HIVEP2: variants seen among roughly 807,000 people sequenced by gnomAD.
The protein encoded by HIVEP2 is transcription factor HIVEP2.
A neutral mutation model predicts 180.7 loss-of-function variants in HIVEP2; 14 were observed. The ratio of observed to expected loss-of-function variants is 0.08; its 90% CI spans 0.05 to 0.12. The LOEUF is 0.12. HIVEP2 is among the 10% of genes least tolerant of loss of function. The pLI, the probability that HIVEP2 is intolerant of heterozygous loss-of-function variation, is 1.00. For synonymous variants in HIVEP2, 1,184 were observed against 1,136.4 expected (o/e 1.04, Z -0.84); for missense variants, 2,579 against 3,008.5 (o/e 0.86, Z 3.34).
chr6:142,803,079 A>G (rs1259714693), intron 2 of HIVEP2, among the ~76,000 whole-genome samples: 2 of 152,198 alleles, frequency 1.3e-5, no homozygotes, highest in Non-Finnish European at 2.9e-5. Flanking sequence ...ACTCTGTAGT[A>G]TATACTTTTA....
Position 142,773,851 on chromosome 6 carries a change from A to T in HIVEP2, c.888T>A (p.Ser296Arg). The change falls in exon 5 of 10, where the codon AGT becomes AGA. Residue 296 changes from serine to arginine, a missense_variant. Ser to Arg is a moderately radical substitution (Grantham distance 110). This residue lies in a region of HIVEP2 where 142 missense variants were observed against 135.2 expected (regional missense o/e 1.05). Transcript: ENST00000367603. The stretch of plus-strand genomic sequence containing the variant: ...TGTCCAGTGGGATGGGTGGACCAGG[A>T]CTCATTTTGTCAGAAGCCTCGGCAA... The part of the protein sequence containing the change: ...SLFAEASDKM[S>R]PGPPIPLDIA... The T allele has an allele frequency of 6.2e-7, 1 of 1,613,464 alleles. No homozygotes were observed. The highest frequency in any genetic ancestry group is 8.5e-7 in the Non-Finnish European group (1 of 1,180,000).
At chr6:142,881,245 C>T (rs769935567) in intron 1 of HIVEP2, among the ~76,000 whole-genome samples, 21 of 152,148 alleles carry the variant, frequency 1.4e-4, no homozygotes, top group African/African-American at 3.9e-4. Context: ...CCAGTTCACA[C>T]GAGTCAGGCT....
chr6:142,874,012 G>C (rs1021957993), intron 1 of HIVEP2, among the ~76,000 whole-genome samples: 1 of 152,118 alleles, frequency 6.6e-6, no homozygotes, highest in Non-Finnish European at 1.5e-5. Context: ...CACTGCAAAT[G>C]GTTCCCCTCC....
At chr6:142,825,212 T>C (rs1774850936) in intron 2 of HIVEP2, among the ~76,000 whole-genome samples, 1 of 152,168 alleles carries the variant, frequency 6.6e-6, no homozygotes, top group Non-Finnish European at 1.5e-5. Flanking sequence ...TAAAGATCTC[T>C]ATGGGGTCTT....
intron 2 of HIVEP2, among the ~76,000 whole-genome samples, chr6:142,823,989 CT>C (rs1241331090): frequency 1.3e-5 from 2 of 151,716 alleles, no homozygotes; most frequent in South Asian, 2.1e-4. Context: ...AAGAAAAATC[CT>C]TTTTTTAAAT....
intron 2 of HIVEP2, among the ~76,000 whole-genome samples, chr6:142,805,952 C>T (rs1231026442): frequency 6.6e-6 from 1 of 152,164 alleles, no homozygotes; most frequent in Admixed American, 6.5e-5. Flanking sequence ...AGAAATTGTG[C>T]CTAGAGGACA....
Position 142,769,877 on chromosome 6 carries a change from T to C in HIVEP2, c.4862A>G (p.Asp1621Gly), listed in dbSNP as rs1290577754. The change falls in exon 5 of 10, where the codon GAC becomes GGC. Residue 1621 changes from aspartate to glycine, a missense_variant. Asp to Gly is a moderately conservative substitution (Grantham distance 94). Coordinates refer to ENST00000367603, the MANE Select transcript of HIVEP2 (RefSeq NM_006734.4). ...MASAPSGNVADSTLLLTDMAD... is the reference protein window; with the variant it reads ...MASAPSGNVAGSTLLLTDMAD... ...CATGTCCGTGAGAAGAAGAGTTGAGTCTGCCACGTTCCCGCTGGGGGCAGA... is the reference window on the plus strand; with the variant it reads ...CATGTCCGTGAGAAGAAGAGTTGAGCCTGCCACGTTCCCGCTGGGGGCAGA... 1 of 1,613,896 alleles carries C rather than the reference T, an allele frequency of 6.2e-7. No homozygotes were observed. Among genetic ancestry groups the C allele is most frequent in the Admixed American group, 1.7e-5 (1 of 60,000 alleles).
At position 142,933,708 on chromosome 6, in the gene HIVEP2, A is replaced by T. The variant is rs141583705; in HGVS notation, c.-641+11391T>A. On this transcript the variant is annotated intron_variant, in intron 1 of 9. Coordinates refer to ENST00000367603, the MANE Select transcript of HIVEP2 (RefSeq NM_006734.4). ...GACTGAAAAGACTTGGACTTTGTCC[A>T]TTAGAAAATTTAATTTCCACACTCA... Among the ~76,000 whole-genome samples, 533 of 152,352 alleles carry T rather than the reference A, an allele frequency of 3.5e-3. 1 individual carries two copies. The highest frequency in any genetic ancestry group is 5.9e-3 in the Non-Finnish European group (404 of 68,036).
At chr6:142,842,909 CA>C (rs1424243730) in intron 1 of HIVEP2, among the ~76,000 whole-genome samples, 1 of 152,074 alleles carries the variant, frequency 6.6e-6, no homozygotes, top group Non-Finnish European at 1.5e-5. Flanking sequence ...CCCCTGGCCA[CA>C]TTTAAACATG....
chr6:142,940,285 A>T (rs183917423), intron 1 of HIVEP2, among the ~76,000 whole-genome samples: 5 of 152,274 alleles, frequency 3.3e-5, no homozygotes, highest in South Asian at 4.1e-4. Flanking sequence ...ATTTGTTATT[A>T]AAAAAATCTG....
rs1199779008 is a variant in HIVEP2, at chr6:142,753,155, G to A, written c.7293C>T (p.Ser2431=). 1.2e-6 allele frequency: 2 copies of A among 1,613,032 alleles called. No homozygotes were observed. The highest frequency in any genetic ancestry group is 4.5e-5 in the East Asian group (2 of 44,870). Residue 2431 remains serine (S), a synonymous_variant, in exon 10 of 10, where the codon AGC becomes AGT. Coordinates refer to ENST00000367603, the MANE Select transcript of HIVEP2 (RefSeq NM_006734.4). ...DFHSSKELSS[S]TEESKDPSSE... Reference sequence around the variant, plus strand: ...ATGAAGGATCTTTGCTTTCCTCTGTGCTTGAAGATAATTCCTTGCTGCTGT... The same window carrying A: ...ATGAAGGATCTTTGCTTTCCTCTGTACTTGAAGATAATTCCTTGCTGCTGT...
At chr6:142,833,641 G>A (rs906964652) in intron 2 of HIVEP2, among the ~76,000 whole-genome samples, 1 of 151,986 alleles carries the variant, frequency 6.6e-6, no homozygotes, top group Non-Finnish European at 1.5e-5. Flanking sequence ...GGTATAACCA[G>A]GTAAAATACT....
intron 2 of HIVEP2, among the ~76,000 whole-genome samples, chr6:142,784,892 T>C (rs1775945579): frequency 6.6e-6 from 1 of 152,118 alleles, no homozygotes; most frequent in Admixed American, 6.5e-5. Flanking sequence ...TCTATCTATC[T>C]ATCTATTTTT....
chr6:142,796,267 C>T (rs1776276440), intron 2 of HIVEP2, among the ~76,000 whole-genome samples: 2 of 151,960 alleles, frequency 1.3e-5, no homozygotes, highest in African/African-American at 2.4e-5. Context: ...TCTTGAATGC[C>T]GCAGGGGTTA....
Position 142,768,486 on chromosome 6 carries a change from T to C in HIVEP2, c.5238A>G (p.Leu1746=), listed in dbSNP as rs759444396. 2.5e-6 allele frequency: 4 copies of C among 1,613,412 alleles called. No individual in the cohort carries two copies. The highest frequency in any genetic ancestry group is 1.1e-5 in the South Asian group (1 of 91,030). Residue 1746 remains leucine (L), a synonymous_variant, in exon 6 of 10, where the codon CTA becomes CTG. Transcript: ENST00000367603. ...FLFGSKLERK[L]VGNILKERGK... ...CTCTTTCCTTTAAGATATTTCCCAC[T>C]AGTTTCCTTTCTAGTTTGCTGCCAA...
intron 2 of HIVEP2, among the ~76,000 whole-genome samples, chr6:142,804,290 A>G (rs1776490961): frequency 6.6e-6 from 1 of 152,156 alleles, no homozygotes; most frequent in South Asian, 2.1e-4. Flanking sequence ...ACTAAAGTAG[A>G]TTGATTGAGT....
chr6:142,903,376 T>C (rs1042902940), intron 1 of HIVEP2, among the ~76,000 whole-genome samples: 2 of 152,222 alleles, frequency 1.3e-5, no homozygotes, highest in African/African-American at 4.8e-5. Context: ...ACTTATACAG[T>C]GTCCTGGACT....
rs202064691 is a variant in HIVEP2 at position 142,760,432 on chromosome 6, G to A, written c.5856C>T (p.Ala1952=). ...RFSSLPVNVG[A]VPHGVPSDSS... ...TATCTGAAGGAACCCCGTGGGGTAC[G>A]GCGCCAACATTCACAGGCAAGGAGG... Residue 1952 remains alanine (A), a synonymous_variant, in exon 9 of 10, where the codon GCC becomes GCT. Transcript: ENST00000367603. 10 of 1,614,136 alleles carry A rather than the reference G, an allele frequency of 6.2e-6. No individual in the cohort carries two copies. The highest frequency in any genetic ancestry group is 4.0e-5 in the African/African-American group (3 of 75,026).
intron 2 of HIVEP2, among the ~76,000 whole-genome samples, chr6:142,813,693 A>G (rs762103161): frequency 1.3e-5 from 2 of 150,614 alleles, no homozygotes; most frequent in East Asian, 2.0e-4. Flanking sequence ...TTCCCACCTC[A>G]GCCTCCTGAG....
Sources: allele counts gnomAD v4.1 joint callset (sites outside exome capture counted in the v4.1 genomes callset), GRCh38; gene constraint gnomAD v4.1.1; regional missense constraint gnomAD v4.1.1; transcripts MANE v1.5; gene names NCBI Gene and HGNC (gene_info 2026-07-23, HGNC 2026-07-21).